CALN1: variants seen among roughly 807,000 people sequenced by gnomAD.
CALN1 encodes the protein calneuron 1.
A neutral mutation model predicts 30.6 loss-of-function variants in CALN1; 17 were observed. The observed-to-expected ratio is 0.56, with a 90% CI of 0.38 to 0.83. The LOEUF (loss-of-function observed/expected upper bound fraction) is 0.83, where lower values mean the gene tolerates loss of function less well. Ranked by LOEUF, CALN1 falls within the 40% of genes least tolerant of loss-of-function variation. The pLI, the probability that CALN1 is intolerant of heterozygous loss-of-function variation, is 0.00. For synonymous variants in CALN1, 156 were observed against 131.4 expected, an observed-to-expected ratio of 1.19 and a Z score of -1.28; for missense variants, 291 against 354.9, an observed-to-expected ratio of 0.82 and a Z score of 1.45.
chr7:72,454,464 T>C, the CALN1 span, among the ~76,000 whole-genome samples: 1 of 152,138 alleles, frequency 6.6e-6, no homozygotes, highest in South Asian at 2.1e-4. Context: ...ATCAATAAAG[T>C]GACCAGTTTT....
At chr7:71,795,565 ACTAC>A (rs1354021949) in intron 6 of CALN1, among the ~76,000 whole-genome samples, 1 of 152,114 alleles carries the variant, frequency 6.6e-6, no homozygotes, top group Admixed American at 6.6e-5. Context: ...AACCATCACC[ACTAC>A]CTAATTCCAG....
At chr7:71,990,521 C>T (rs1034558747) in intron 5 of CALN1, among the ~76,000 whole-genome samples, 8 of 151,724 alleles carry the variant, frequency 5.3e-5, no homozygotes, top group Non-Finnish European at 1.2e-4. Context: ...GGCGTAATCT[C>T]GGCTCACTAT....
At chr7:72,376,021 T>C (rs1804534095) in intron 2 of CALN1, among the ~76,000 whole-genome samples, 1 of 152,210 alleles carries the variant, frequency 6.6e-6, no homozygotes, top group Non-Finnish European at 1.5e-5. Flanking sequence ...GCCTTCTGTG[T>C]CCAGTTTCTT....
chr7:72,387,239 GGGGA>G (rs1287969567), intron 2 of CALN1, among the ~76,000 whole-genome samples: 2 of 39,106 alleles, frequency 5.1e-5, no homozygotes, highest in African/African-American at 2.4e-4. Flanking sequence ...AGGGAAGGGA[GGGGA>G]GGGAGGGAGG....
At chr7:72,117,887 G>A (rs1808097830) in intron 3 of CALN1, among the ~76,000 whole-genome samples, 1 of 151,836 alleles carries the variant, frequency 6.6e-6, no homozygotes, top group Admixed American at 6.6e-5. Context: ...GAACCCAGGA[G>A]GTGGAGGTTG....
chr7:71,839,492 A>G (rs1199371570), intron 5 of CALN1, among the ~76,000 whole-genome samples: 2 of 152,156 alleles, frequency 1.3e-5, no homozygotes, highest in Non-Finnish European at 2.9e-5. Context: ...AGATTGCACC[A>G]CTGCACTCCA....
At chr7:72,272,591 A>G (rs1450397699) in intron 3 of CALN1, among the ~76,000 whole-genome samples, 1 of 152,104 alleles carries the variant, frequency 6.6e-6, no homozygotes, top group Non-Finnish European at 1.5e-5. Context: ...AGAAAAAGAA[A>G]TATTAATTTT....
At chr7:72,023,109 T>A (rs972841547) in intron 5 of CALN1, among the ~76,000 whole-genome samples, 116 of 152,108 alleles carry the variant, frequency 7.6e-4, no homozygotes, top group African/African-American at 2.6e-3. Context: ...ATTTTAAGAG[T>A]AGAGAACTAA....
chr7:72,072,013 A>T (rs1363421329), intron 4 of CALN1, among the ~76,000 whole-genome samples: 2 of 152,198 alleles, frequency 1.3e-5, no homozygotes, highest in East Asian at 3.8e-4. Flanking sequence ...AAGAAAAGCA[A>T]ACAGAACATA....
intron 2 of CALN1, among the ~76,000 whole-genome samples, chr7:72,350,611 G>A (rs1406752937): frequency 6.6e-6 from 1 of 152,096 alleles, no homozygotes; most frequent in Admixed American, 6.6e-5. Flanking sequence ...GAGAACAACA[G>A]ACACCAGGGC....
chr7:72,138,055 AATTAT>A (rs1809631477), intron 3 of CALN1, among the ~76,000 whole-genome samples: 1 of 152,218 alleles, frequency 6.6e-6, no homozygotes, highest in South Asian at 2.1e-4. Context: ...ATGGCAACTT[AATTAT>A]ATCCATGTGG....
Position 71,933,929 on chromosome 7 carries a change from A to T in CALN1, c.501+89728T>A, listed in dbSNP as rs1459116585. Among the ~76,000 whole-genome samples the T allele has an allele frequency of 2.0e-5, 3 of 152,154 alleles. No homozygotes were observed. In the East Asian group the frequency reaches 5.8e-4, roughly 29 times the overall value. The stretch of plus-strand genomic sequence containing the variant: ...GAGTGACATGGGATGACTGCAACAC[A>T]AAAGGGGTGGCAAAGATCAAGGAAA... On this transcript the variant is annotated intron_variant, in intron 5 of 6. Transcript: ENST00000395275.
Position 72,086,575 on chromosome 7 carries a change from C to T in CALN1, c.388+19576G>A, listed in dbSNP as rs552388027. On this transcript the variant is annotated intron_variant, in intron 4 of 6. Transcript: ENST00000395275. ...CTGCCTCCCAAGTAGCTGGGACTAC[C>T]GGCCCGTGCCACCATGCCTGGCTAC... Among the ~76,000 whole-genome samples, 41 of 152,072 alleles carry T rather than the reference C, an allele frequency of 2.7e-4. 1 individual carries two copies. In the South Asian group the frequency reaches 7.9e-3, roughly 29 times the overall value.
chr7:72,063,849 C>A (rs755624722), intron 4 of CALN1, among the ~76,000 whole-genome samples: 2 of 152,102 alleles, frequency 1.3e-5, no homozygotes, highest in Non-Finnish European at 2.9e-5. Flanking sequence ...CAAATCCACA[C>A]CCCCACCCCC....
chr7:71,888,967 G>A (rs899539188), intron 5 of CALN1, among the ~76,000 whole-genome samples: 2 of 152,198 alleles, frequency 1.3e-5, no homozygotes, highest in East Asian at 1.9e-4. Context: ...GCTGAGGAGG[G>A]AAGCCGCAGT....
chr7:71,816,031 T>C (rs1434151172), intron 5 of CALN1, among the ~76,000 whole-genome samples: 2 of 151,210 alleles, frequency 1.3e-5, no homozygotes, highest in Non-Finnish European at 2.9e-5. Context: ...GGCTAATTTT[T>C]TTTTTAATTT....
At chr7:72,311,789 C>CG (rs1332372725) in intron 2 of CALN1, among the ~76,000 whole-genome samples, 1 of 151,250 alleles carries the variant, frequency 6.6e-6, no homozygotes, top group African/African-American at 2.4e-5. Context: ...GAGCCACCAC[C>CG]GCGCCTGGCC....
At chr7:72,249,705 A>G (rs981763217) in intron 3 of CALN1, among the ~76,000 whole-genome samples, 4 of 151,790 alleles carry the variant, frequency 2.6e-5, no homozygotes, top group African/African-American at 9.7e-5. Context: ...AGGAGGCTGA[A>G]GCAGGCAGAT....
chr7:71,948,673 G>A (rs1796529838), intron 5 of CALN1, among the ~76,000 whole-genome samples: 1 of 150,836 alleles, frequency 6.6e-6, no homozygotes. Context: ...AGAGATTGCA[G>A]TGAGCCAAGA....
Sources: gnomAD v4.1 joint callset for allele counts (sites outside exome capture counted in the v4.1 genomes callset) on GRCh38, gnomAD v4.1.1 for gene constraint, MANE v1.5 for transcripts, NCBI Gene and HGNC (gene_info 2026-07-23, HGNC 2026-07-21) for gene names.